The following LAMA2 variants were observed in gnomAD, a reference collection of about 807,000 sequenced individuals.
LAMA2 encodes the protein laminin subunit alpha 2, also known as laminin subunit alpha-2.
In LAMA2, 269 loss-of-function variants were observed where a neutral mutation model predicts 364.8. That is an observed-to-expected ratio of 0.74 (90% CI 0.67 to 0.82). The LOEUF (loss-of-function observed/expected upper bound fraction) is 0.82, where lower values mean the gene tolerates loss of function less well. Ranked by LOEUF, LAMA2 falls within the 40% of genes least tolerant of loss-of-function variation. The probability of loss-of-function intolerance (pLI) is 0.00; values close to 1 mark genes in which losing one functional copy is unlikely to be tolerated. For synonymous variants in LAMA2, 1,379 were observed against 1,370.6 expected (o/e 1.01, Z -0.14); for missense variants, 3,807 against 3,873.2 (o/e 0.98, Z 0.45).
chr6:129,052,135 CTTT>C (rs34305119), intron 2 of LAMA2, among the ~76,000 whole-genome samples: 21 of 127,384 alleles, frequency 1.6e-4, no homozygotes, highest in African/African-American at 3.3e-4. Flanking sequence ...ATTTCTTCTC[CTTT>C]TTTTTTTTTT....
intron 1 of LAMA2, among the ~76,000 whole-genome samples, chr6:128,892,260 T>A (rs1036620566): frequency 6.6e-6 from 1 of 151,968 alleles, no homozygotes; most frequent in African/African-American, 2.4e-5. Context: ...ACACAGCAAG[T>A]CAGTAACAGA....
chr6:129,034,309 G>T (rs1786456260), intron 1 of LAMA2, among the ~76,000 whole-genome samples: 1 of 152,076 alleles, frequency 6.6e-6, no homozygotes, highest in Non-Finnish European at 1.5e-5. Flanking sequence ...ATTGGTTACA[G>T]GTATTTTAAC....
intron 56 of LAMA2, among the ~76,000 whole-genome samples, chr6:129,491,658 A>G (rs1784869528): frequency 1.3e-5 from 2 of 152,220 alleles, no homozygotes; most frequent in Non-Finnish European, 2.9e-5. Flanking sequence ...CAGCTCTACA[A>G]GAGGCTAATG....
chr6:129,380,683 G>A (rs1309162091), intron 34 of LAMA2, among the ~76,000 whole-genome samples: 1 of 152,144 alleles, frequency 6.6e-6, no homozygotes, highest in Admixed American at 6.5e-5. Context: ...AAGACAATGG[G>A]ATACAAGAAG....
chr6:129,287,996 G>T lies in LAMA2; in HGVS notation c.2687G>T (p.Arg896Leu). Residue 896 changes from arginine (R) to leucine (L), a missense_variant, in exon 19 of 65, where the codon CGG becomes CTG. By Grantham distance (102) the Arg-to-Leu change is moderately radical. Transcript: ENST00000421865. ...CLICKPGTTG[R>L]YCELCADGYF... ...ATATGTAAACCAGGTACAACAGGCC[G>T]GTACTGTGAGCTCTGTGCTGATGGA... 1.2e-6 allele frequency: 2 copies of T among 1,614,064 alleles called. No individual in the cohort carries two copies. The highest frequency in any genetic ancestry group is 1.7e-5 in the Admixed American group (1 of 60,006).
At chr6:129,371,562 T>G (rs1221400602) in intron 34 of LAMA2, among the ~76,000 whole-genome samples, 1 of 152,042 alleles carries the variant, frequency 6.6e-6, no homozygotes, top group Non-Finnish European at 1.5e-5. Flanking sequence ...CCTCATTGGC[T>G]TAGTATAGTC....
Position 129,074,730 on chromosome 6 carries a change from C to CA in LAMA2, c.396+14836dup, listed in dbSNP as rs149239097. ...TAAGGAATGTTCTGAATTATTGCTT[C>CA]AATATTAAAACAATAATTATTGGAA... On this transcript the variant is annotated intron_variant, in intron 3 of 64. Coordinates refer to ENST00000421865, the MANE Select transcript of LAMA2 (RefSeq NM_000426.4). Among the ~76,000 whole-genome samples, 72 of 152,064 alleles carry CA rather than the reference C, an allele frequency of 4.7e-4. No individual in the cohort carries two copies. The East Asian group carries it at 0.013, about 27-fold the overall frequency.
At chr6:129,063,576 C>T (rs1043358194) in intron 3 of LAMA2, among the ~76,000 whole-genome samples, 5 of 152,116 alleles carry the variant, frequency 3.3e-5, no homozygotes, top group African/African-American at 1.2e-4. Flanking sequence ...CCTGGCTAAT[C>T]CAGGAATGCC....
chr6:129,333,891 T>A (rs1367147491), intron 29 of LAMA2, among the ~76,000 whole-genome samples: 1 of 152,230 alleles, frequency 6.6e-6, no homozygotes, highest in African/African-American at 2.4e-5. Flanking sequence ...AATTGACTAT[T>A]ATGACTATTT....
At chr6:129,101,010 C>T (rs1273037781) in intron 4 of LAMA2, among the ~76,000 whole-genome samples, 1 of 152,170 alleles carries the variant, frequency 6.6e-6, no homozygotes, top group African/African-American at 2.4e-5. Context: ...AAATCTCACT[C>T]GTCAGCTTTA....
intron 12 of LAMA2, among the ~76,000 whole-genome samples, chr6:129,212,976 A>T (rs1871280): frequency 0.22 from 32,952 of 152,104 alleles, 4,111 homozygotes; most frequent in East Asian, 0.49. Flanking sequence ...CAGACTTGAC[A>T]TTGCTTTGGA....
At chr6:129,172,523 T>A (rs889318569) in intron 9 of LAMA2, among the ~76,000 whole-genome samples, 1 of 152,204 alleles carries the variant, frequency 6.6e-6, no homozygotes, top group East Asian at 1.9e-4. Context: ...GAGGAGGCAG[T>A]CTGCCCGTTC....
intron 51 of LAMA2, among the ~76,000 whole-genome samples, chr6:129,468,876 A>T (rs1272777408): frequency 6.6e-6 from 1 of 151,856 alleles, no homozygotes; most frequent in East Asian, 1.9e-4. Context: ...TCTGTTTAGG[A>T]TACAGTAAAC....
chr6:129,251,942 AAAT>A, intron 13 of LAMA2, 139 bp from the exon 14 acceptor site: 2 of 633,488 alleles, frequency 3.2e-6, no homozygotes, highest in Non-Finnish European at 5.4e-6. Flanking sequence ...CTCCAAAAAA[AAAT>A]AAATAAATAA....
intron 29 of LAMA2, among the ~76,000 whole-genome samples, chr6:129,337,436 T>A (rs1221331626): frequency 1.3e-5 from 2 of 152,148 alleles, no homozygotes; most frequent in African/African-American, 4.8e-5. Flanking sequence ...GAAAAGGGAA[T>A]TAGACTTAAT....
intron 61 of LAMA2, among the ~76,000 whole-genome samples, chr6:129,505,784 G>T (rs554928873): frequency 1.3e-5 from 2 of 151,738 alleles, no homozygotes; most frequent in Admixed American, 1.3e-4. Context: ...CGCCTGCCTC[G>T]GCCTCCCAAA....
At chr6:129,101,378 G>A (rs1207730683) in intron 4 of LAMA2, among the ~76,000 whole-genome samples, 3 of 152,182 alleles carry the variant, frequency 2.0e-5, no homozygotes, top group African/African-American at 7.2e-5. Context: ...GTTATCAGAT[G>A]TAGAATTCTA....
chr6:128,925,932 G>A (rs1779064588), intron 1 of LAMA2, among the ~76,000 whole-genome samples: 1 of 152,010 alleles, frequency 6.6e-6, no homozygotes, highest in African/African-American at 2.4e-5. Flanking sequence ...AAACTGAATA[G>A]GCCATTTTAT....
chr6:129,314,207 T>C (rs1040290237), intron 23 of LAMA2, among the ~76,000 whole-genome samples: 3 of 152,060 alleles, frequency 2.0e-5, no homozygotes, highest in Non-Finnish European at 4.4e-5. Flanking sequence ...GAGACAATCC[T>C]GGCTAACACG....
Sources: gnomAD v4.1 joint callset for allele counts (sites outside exome capture counted in the v4.1 genomes callset) on GRCh38, gnomAD v4.1.1 for gene constraint, MANE v1.5 for transcripts, NCBI Gene and HGNC (gene_info 2026-07-23, HGNC 2026-07-21) for gene names.